Variants in ARHGAP15 observed in about 807,000 individuals in gnomAD.
The protein encoded by ARHGAP15 is rho GTPase-activating protein 15.
ARHGAP15 carries 51 observed loss-of-function variants against 63.7 expected under a neutral mutation model. The observed-to-expected ratio is 0.80, with a 90% CI of 0.64 to 1.01. The LOEUF is 1.01. ARHGAP15 is among the 50% of genes least tolerant of loss of function. The pLI, the probability that ARHGAP15 is intolerant of heterozygous loss-of-function variation, is 0.00. For missense variants in ARHGAP15, 560 were observed against 564.6 expected (o/e 0.99, Z 0.08); for synonymous variants, 191 against 193.8 (o/e 0.99, Z 0.12).
At chr2:143,741,263 A>G (rs1001008837) in intron 13 of ARHGAP15, 12 of 152,228 alleles carry the variant, frequency 7.9e-5, no homozygotes, top group Non-Finnish European at 4.4e-5. Flanking sequence ...GACCTAAAGA[A>G]AATATTTTAA....
intron 2 of ARHGAP15, among the ~76,000 whole-genome samples, chr2:143,191,143 G>A (rs906306480): frequency 3.3e-5 from 5 of 152,282 alleles, no homozygotes; most frequent in African/African-American, 9.6e-5. Flanking sequence ...TTTAGAAAAG[G>A]AACATAAACC....
At chr2:143,647,939 A>G (rs1332664745) in intron 12 of ARHGAP15, among the ~76,000 whole-genome samples, 2 of 151,998 alleles carry the variant, frequency 1.3e-5, no homozygotes, top group African/African-American at 4.8e-5. Context: ...TTTGATGGGT[A>G]TAAGACTCAT....
chr2:143,520,860 G>C (rs896868194), intron 10 of ARHGAP15, among the ~76,000 whole-genome samples: 2 of 152,122 alleles, frequency 1.3e-5, no homozygotes, highest in African/African-American at 4.8e-5. Flanking sequence ...TAAGATGTGT[G>C]CATGTGTAAA....
chr2:143,371,442 CCCTA>C (rs1195455168), intron 6 of ARHGAP15, among the ~76,000 whole-genome samples: 2 of 152,264 alleles, frequency 1.3e-5, no homozygotes, highest in Admixed American at 6.5e-5. Context: ...CTTTCTATCT[CCCTA>C]CCTACCTATT....
At chr2:143,287,416 G>A (rs1178769548) in intron 6 of ARHGAP15, among the ~76,000 whole-genome samples, 1 of 151,760 alleles carries the variant, frequency 6.6e-6, no homozygotes, top group African/African-American at 2.4e-5. Context: ...CTGTCACCCT[G>A]AAAATAACAG....
chr2:143,617,915 T>C (rs1444340435), intron 11 of ARHGAP15, among the ~76,000 whole-genome samples: 1 of 152,188 alleles, frequency 6.6e-6, no homozygotes, highest in Non-Finnish European at 1.5e-5. Context: ...CAGTATGTAG[T>C]CTCCTTCCAT....
chr2:143,663,501 C>G (rs1327038539), intron 12 of ARHGAP15, among the ~76,000 whole-genome samples: 1 of 144,768 alleles, frequency 6.9e-6, no homozygotes, highest in African/African-American at 2.5e-5. Context: ...GAAGAAACTG[C>G]ATCAACTAAT....
chr2:143,160,209 GAC>G (rs1690234908), intron 2 of ARHGAP15, among the ~76,000 whole-genome samples: 1 of 151,840 alleles, frequency 6.6e-6, no homozygotes, highest in East Asian at 1.9e-4. Context: ...TTAAATTCTA[GAC>G]ACACACAAAT....
chr2:143,213,777 C>T (rs548270020), intron 3 of ARHGAP15, among the ~76,000 whole-genome samples: 9 of 152,322 alleles, frequency 5.9e-5, no homozygotes, highest in African/African-American at 2.2e-4. Flanking sequence ...AGTCCGTCCT[C>T]ATTTTTCCTG....
In ARHGAP15 at chr2:143,439,389, C is replaced by T. The variant is rs924373338; in HGVS notation, c.703+2347C>T. On this transcript the variant is annotated intron_variant, in intron 8 of 13. Transcript: ENST00000295095. Reference sequence around the variant, plus strand: ...AGTGAGCTAAGATTTCACCACTGCACTCCAGCCTGGGCGACAGAGCAAGAC... The same window carrying T: ...AGTGAGCTAAGATTTCACCACTGCATTCCAGCCTGGGCGACAGAGCAAGAC... Among the ~76,000 whole-genome samples the T allele has an allele frequency of 1.0e-4, 12 of 115,252 alleles. No individual in the cohort carries two copies. In the East Asian group the frequency reaches 2.0e-3, roughly 19 times the overall value. 75.6% of individuals were successfully genotyped at this position (115,252 alleles called of 152,430 possible). A position where few individuals can be genotyped will look rare whatever the true frequency, so the allele number is the denominator to read the frequency against.
chr2:143,250,744 C>T (rs1470533353), intron 6 of ARHGAP15, 144 bp downstream of exon 6: 3 of 629,128 alleles, frequency 4.8e-6, no homozygotes, highest in Admixed American at 3.2e-5. Context: ...ACTCCTCTTC[C>T]CAGTTGAATC....
intron 10 of ARHGAP15, among the ~76,000 whole-genome samples, chr2:143,537,625 T>C (rs1346561344): frequency 2.6e-5 from 4 of 152,222 alleles, no homozygotes; most frequent in Non-Finnish European, 4.4e-5. Context: ...GCACCATTTA[T>C]TAAATAGGGA....
chr2:143,725,139 T>G (rs944204203), intron 13 of ARHGAP15, among the ~76,000 whole-genome samples: 1 of 152,236 alleles, frequency 6.6e-6, no homozygotes, highest in African/African-American at 2.4e-5. Flanking sequence ...ACCAGAGCAT[T>G]TGCTTAATCA....
intron 8 of ARHGAP15, among the ~76,000 whole-genome samples, chr2:143,464,698 A>G (rs1691119142): frequency 1.3e-5 from 2 of 152,152 alleles, no homozygotes; most frequent in Non-Finnish European, 2.9e-5. Flanking sequence ...CATCTCAAGA[A>G]GTTTGTGTTG....
intron 12 of ARHGAP15, among the ~76,000 whole-genome samples, chr2:143,684,257 A>G (rs1219696159): frequency 6.6e-6 from 1 of 152,186 alleles, no homozygotes; most frequent in East Asian, 1.9e-4. Flanking sequence ...TACCACCCTG[A>G]TAACCACCTT....
chr2:143,206,871 T>C (rs1225833228), intron 3 of ARHGAP15, among the ~76,000 whole-genome samples: 2 of 152,032 alleles, frequency 1.3e-5, no homozygotes, highest in East Asian at 1.9e-4. Context: ...AAGTAGTCGA[T>C]GAAACATGGC....
At chr2:143,461,776 G>C (rs1329219646) in intron 8 of ARHGAP15, among the ~76,000 whole-genome samples, 1 of 152,138 alleles carries the variant, frequency 6.6e-6, no homozygotes, top group Admixed American at 6.6e-5. Flanking sequence ...GCAGTTGTCT[G>C]TAAATAGAAT....
chr2:143,748,360 G>A (rs57104722), intron 13 of ARHGAP15, among the ~76,000 whole-genome samples: 2 of 152,076 alleles, frequency 1.3e-5, no homozygotes, highest in South Asian at 4.1e-4. Flanking sequence ...TGTTTTTGAT[G>A]TCAAATAACA....
At chr2:143,242,159 G>A (rs907306625) in intron 5 of ARHGAP15, among the ~76,000 whole-genome samples, 1 of 152,208 alleles carries the variant, frequency 6.6e-6, no homozygotes, top group African/African-American at 2.4e-5. Flanking sequence ...CTGCAAAGTG[G>A]CATTTCATCT....
Sources: allele counts gnomAD v4.1 joint callset (sites outside exome capture counted in the v4.1 genomes callset), GRCh38; gene constraint gnomAD v4.1.1; transcripts MANE v1.5; gene names NCBI Gene and HGNC (gene_info 2026-07-23, HGNC 2026-07-21).